The following GNRHR variants were observed in gnomAD, a reference collection of about 807,000 sequenced individuals.
GNRHR encodes gonadotropin releasing hormone receptor.
A neutral mutation model predicts 28.1 loss-of-function variants in GNRHR; 14 were observed. The ratio of observed to expected loss-of-function variants is 0.50; its 90% CI spans 0.33 to 0.78. GNRHR has a LOEUF of 0.78. Ranked by LOEUF, GNRHR falls within the 30% of genes least tolerant of loss-of-function variation. GNRHR has a pLI of 0.02. For missense variants in GNRHR, 366 were observed against 382.1 expected (o/e 0.96, Z 0.35); for synonymous variants, 141 against 140.5 (o/e 1.00, Z -0.02).
chr4:67,752,054 T>TCAAATAAAA (rs1731878909), intron 1 of GNRHR, among the ~76,000 whole-genome samples: 1 of 152,178 alleles, frequency 6.6e-6, no homozygotes, highest in Non-Finnish European at 1.5e-5. Context: ...TTGTCAGGTT[T>TCAAATAAAA]TGTATTTTAT....
rs1272486248 is a variant in GNRHR at position 67,753,857 on chromosome 4, A to T, written c.479T>A (p.Val160Asp). 1.2e-6 allele frequency: 2 copies of T among 1,613,706 alleles called. No individual in the cohort carries two copies. Among genetic ancestry groups the T allele is most frequent in the African/African-American group, 2.7e-5 (2 of 74,932 alleles). The stretch of plus-strand genomic sequence containing the variant: ...ACTACTGAGGATCCAGGCCAGGCCA[A>T]CCATGGACTGTCCGACTTTGCTGTT... ...KSNSKVGQSM[V>D]GLAWILSSVF... Residue 160 changes from valine (V) to aspartate (D), a missense_variant, in exon 1 of 3, where the codon GTT becomes GAT. Physicochemically the swap from Val to Asp is radical, Grantham distance 152. Coordinates refer to ENST00000226413, the MANE Select transcript of GNRHR (RefSeq NM_000406.3).
Position 67,739,299 on chromosome 4 carries a change from A to T in GNRHR, c.*1181T>A, listed in dbSNP as rs1195046459. 1 of 152,040 alleles carries T rather than the reference A, an allele frequency of 6.6e-6. No individual in the cohort carries two copies. Among genetic ancestry groups the T allele is most frequent in the African/African-American group, 2.4e-5 (1 of 41,448 alleles). 9.4% of individuals were successfully genotyped at this position (152,040 alleles called of 1,614,324 possible). ...AATATCAGTAGGTGTTAGTTGTGCCATGGGCTGCTGTGGCAGTCTAGTCTA... is the reference window on the plus strand; with the variant it reads ...AATATCAGTAGGTGTTAGTTGTGCCTTGGGCTGCTGTGGCAGTCTAGTCTA... On this transcript the variant is annotated 3_prime_UTR_variant, in exon 3 of 3. Coordinates refer to ENST00000226413, the MANE Select transcript of GNRHR (RefSeq NM_000406.3).
chr4:67,753,046 G>A (rs1292048921), intron 1 of GNRHR, among the ~76,000 whole-genome samples: 4 of 152,162 alleles, frequency 2.6e-5, no homozygotes, highest in Admixed American at 2.6e-4. Context: ...TTGTTAAAAT[G>A]GCAGGTTCAG....
intron 1 of GNRHR, among the ~76,000 whole-genome samples, chr4:67,748,479 T>TA (rs1476511081): frequency 6.6e-6 from 1 of 152,096 alleles, no homozygotes; most frequent in Non-Finnish European, 1.5e-5. Context: ...ATCATATATA[T>TA]TTTTTTCTTG....
At position 67,739,075 on chromosome 4, in the gene GNRHR, A is replaced by C. The variant is rs535748422; in HGVS notation, c.*1405T>G. Among the ~76,000 whole-genome samples, 1 of 152,108 alleles carries C rather than the reference A, an allele frequency of 6.6e-6. No individual in the cohort carries two copies. The highest frequency in any genetic ancestry group is 1.9e-4 in the East Asian group (1 of 5,188). On this transcript the variant is annotated 3_prime_UTR_variant, in exon 3 of 3. Transcript: ENST00000226413. ...GGCAGTACATAGCTCATATAAATAT[A>C]ATGGTATCTTACCTATTTAAAAAAT...
chr4:67,739,812 C>T lies in GNRHR; in HGVS notation c.*668G>A, dbSNP rs1476710655. On this transcript the variant is annotated 3_prime_UTR_variant, in exon 3 of 3. Coordinates refer to ENST00000226413, the MANE Select transcript of GNRHR (RefSeq NM_000406.3). The stretch of plus-strand genomic sequence containing the variant: ...AAATCCTAACCCCTCTAAAATTTCC[C>T]TTTATATAGAGATACTTCACAACCT... 2 of 152,026 alleles carry T rather than the reference C, an allele frequency of 1.3e-5. No homozygotes were observed. Among genetic ancestry groups the T allele is most frequent in the East Asian group, 1.9e-4 (1 of 5,182 alleles). The allele number at this position is 152,026 out of a possible 1,614,324, so 9.4% of individuals were successfully genotyped here.
Position 67,754,178 on chromosome 4 carries a change from T to A in GNRHR, c.158A>T (p.Asn53Ile). ...CTGAAGTTTCAACAAGAAAGAAGCA[T>A]TAAAGGTCGCAGAGAGCAGAAAAAG... ...FFLFLLSATFNASFLLKLQKW... is the reference protein window; with the variant it reads ...FFLFLLSATFIASFLLKLQKW... The change falls in exon 1 of 3, where the codon AAT becomes ATT. Residue 53 changes from asparagine (N) to isoleucine (I), a missense_variant. Asn to Ile is a moderately radical substitution (Grantham distance 149, BLOSUM62 -3). Coordinates refer to ENST00000226413, the MANE Select transcript of GNRHR (RefSeq NM_000406.3). 1 of 1,614,112 alleles carries A rather than the reference T, an allele frequency of 6.2e-7. No homozygotes were observed. Among genetic ancestry groups the A allele is most frequent in the Non-Finnish European group, 8.5e-7 (1 of 1,179,970 alleles).
chr4:67,744,114 G>A (rs1030689946), intron 2 of GNRHR, among the ~76,000 whole-genome samples: 2 of 151,966 alleles, frequency 1.3e-5, no homozygotes, highest in South Asian at 2.1e-4. Flanking sequence ...TCAATATTTC[G>A]CATATTAACA....
At position 67,738,414 on chromosome 4, in the gene GNRHR, A is replaced by C. The variant is rs1272151516; in HGVS notation, c.*2066T>G. ...ATGAAATGTAGGTTAAGAACCCCTG[A>C]GTCAAGATTTCGAATAGCCCTTTAG... is the stretch of plus-strand genomic sequence containing the variant. On this transcript the variant is annotated 3_prime_UTR_variant, in exon 3 of 3. Coordinates refer to ENST00000226413, the MANE Select transcript of GNRHR (RefSeq NM_000406.3). Among the ~76,000 whole-genome samples the C allele has an allele frequency of 6.6e-6, 1 of 151,848 alleles. No individual in the cohort carries two copies. The highest frequency in any genetic ancestry group is 1.5e-5 in the Non-Finnish European group (1 of 67,834).
Position 67,738,435 on chromosome 4 carries a change from TTTAG to T in GNRHR, c.*2041_*2044del, listed in dbSNP as rs1731591945. ...CCTGAGTCAAGATTTCGAATAGCCC[TTTAG>T]TTAATGTGTAAAAAAAAAAAATGCC... On this transcript the variant is annotated 3_prime_UTR_variant, in exon 3 of 3. Coordinates refer to ENST00000226413, the MANE Select transcript of GNRHR (RefSeq NM_000406.3). 6.6e-6 allele frequency among the ~76,000 whole-genome samples: 1 copy of T among 151,758 alleles called. No individual in the cohort carries two copies. The highest frequency in any genetic ancestry group is 2.1e-4 in the South Asian group (1 of 4,830).
intron 1 of GNRHR, among the ~76,000 whole-genome samples, chr4:67,746,897 C>T (rs561945726): frequency 6.6e-6 from 1 of 152,038 alleles, no homozygotes; most frequent in African/African-American, 2.4e-5. Context: ...CACTAGAGGG[C>T]GTCTAATAAT....
At position 67,744,590 on chromosome 4, in the gene GNRHR, C is replaced by G. The variant is rs1412373443; in HGVS notation, c.720G>C (p.Arg240=). The part of the protein sequence containing the change: ...CNAKIIFTLT[R]VLHQDPHELQ... ...TACCGTGGGGGTCCTGATGAAGGAC[C>G]CGTGTCAGGGTGAAGATGATTTTTG... Residue 240 remains arginine, a synonymous_variant, in exon 2 of 3, where the codon CGG becomes CGC. Transcript: ENST00000226413. The G allele has an allele frequency of 1.9e-5, 31 of 1,607,498 alleles. No individual in the cohort carries two copies. Among genetic ancestry groups the G allele is most frequent in the Non-Finnish European group, 2.6e-5 (30 of 1,174,280 alleles).
rs1205482773 is a variant in GNRHR, at chr4:67,737,715, T to C, written c.*2765A>G. 6.6e-6 allele frequency among the ~76,000 whole-genome samples: 1 copy of C among 152,088 alleles called. No individual in the cohort carries two copies. Among genetic ancestry groups the C allele is most frequent in the East Asian group, 1.9e-4 (1 of 5,192 alleles). On this transcript the variant is annotated 3_prime_UTR_variant, in exon 3 of 3. Coordinates refer to ENST00000226413, the MANE Select transcript of GNRHR (RefSeq NM_000406.3). ...TAGGCTTTGTTTAATTTATTGTCAT[T>C]AGTTAATGTCACTCCTGTACTAAAC...
rs180960288 is a variant in GNRHR at position 67,740,786 on chromosome 4, C to T, written c.743-62G>A. ...AGTTTTCTTACAAAACCAAAGTGGA[C>T]AAAAAGGAAGACAGCATCACTAATT... On this transcript the variant is annotated intron_variant, in intron 2 of 2. Coordinates refer to ENST00000226413, the MANE Select transcript of GNRHR (RefSeq NM_000406.3). The T allele has an allele frequency of 1.9e-4, 240 of 1,246,996 alleles. 2 individuals carry two copies. In the African/African-American group the frequency reaches 3.2e-3, roughly 17 times the overall value. 77.2% of individuals were successfully genotyped at this position (1,246,996 alleles called of 1,614,324 possible). A position where few individuals can be genotyped will look rare whatever the true frequency, so the allele number is the denominator to read the frequency against.
In GNRHR at chr4:67,750,751, C is replaced by T. The variant is rs148790993; in HGVS notation, c.522+3063G>A. On this transcript the variant is annotated intron_variant, in intron 1 of 2. Transcript: ENST00000226413. The stretch of plus-strand genomic sequence containing the variant: ...ATGAATTACTCAAATAATAGAAAAT[C>T]GGTATGTGCACCAAAGGATGAAAAT... 2.6e-3 allele frequency among the ~76,000 whole-genome samples: 397 copies of T among 151,754 alleles called. 3 individuals are homozygous for T. Among genetic ancestry groups the T allele is most frequent in the African/African-American group, 9.1e-3 (375 of 41,382 alleles).
intron 1 of GNRHR, among the ~76,000 whole-genome samples, chr4:67,746,364 A>G (rs1295113730): frequency 6.6e-6 from 1 of 152,112 alleles, no homozygotes; most frequent in Non-Finnish European, 1.5e-5. Context: ...TACAACTTTT[A>G]AAAACACAAA....
chr4:67,740,893 C>T (rs1462189632), intron 2 of GNRHR, among the ~76,000 whole-genome samples, 169 bp from the exon 3 acceptor site: 1 of 151,970 alleles, frequency 6.6e-6, no homozygotes, highest in African/African-American at 2.4e-5. Context: ...AAGAGTTTTC[C>T]ACTATGTCAC....
At chr4:67,742,900 C>A (rs1373602765) in intron 2 of GNRHR, among the ~76,000 whole-genome samples, 1 of 151,918 alleles carries the variant, frequency 6.6e-6, no homozygotes, top group African/African-American at 2.4e-5. Flanking sequence ...GGATTTTTAG[C>A]AGACAAAACC....
intron 2 of GNRHR, among the ~76,000 whole-genome samples, chr4:67,743,407 C>T (rs946157973): frequency 6.6e-6 from 1 of 152,124 alleles, no homozygotes; most frequent in African/African-American, 2.4e-5. Flanking sequence ...GAAACATCAT[C>T]ACAGTTGATA....
Sources: allele counts gnomAD v4.1 joint callset (sites outside exome capture counted in the v4.1 genomes callset), GRCh38; gene constraint gnomAD v4.1.1; transcripts MANE v1.5; gene names NCBI Gene and HGNC (gene_info 2026-07-23, HGNC 2026-07-21).